Variants in CDH18 observed in about 807,000 individuals in gnomAD.
The protein encoded by CDH18 is cadherin 18.
A neutral mutation model predicts 67.9 loss-of-function variants in CDH18; 31 were observed. That is an observed-to-expected ratio of 0.46 (90% CI 0.34 to 0.62). CDH18 has a LOEUF of 0.62. CDH18 is among the 20% of genes least tolerant of loss of function. CDH18 has a pLI of 0.01. For synonymous variants in CDH18, 362 were observed against 347.2 expected (o/e 1.04, Z -0.48); for missense variants, 890 against 975.5 (o/e 0.91, Z 1.17).
At chr5:20,067,026 T>TA (rs1743037149) in intron 2 of CDH18, among the ~76,000 whole-genome samples, 1 of 151,202 alleles carries the variant, frequency 6.6e-6, no homozygotes, top group Admixed American at 6.6e-5. Context: ...AAAACAACAG[T>TA]AAAAAATAAT....
chr5:19,846,856 A>G (rs2150056849), intron 2 of CDH18, among the ~76,000 whole-genome samples: 1 of 152,192 alleles, frequency 6.6e-6, no homozygotes, highest in East Asian at 1.9e-4. Flanking sequence ...GAAAATCTTC[A>G]TCTCTTTACT....
At chr5:20,570,307 C>A (rs1481869031) in intron 1 of CDH18, among the ~76,000 whole-genome samples, 1 of 151,890 alleles carries the variant, frequency 6.6e-6, no homozygotes, top group Middle Eastern at 3.2e-3. Flanking sequence ...TCTTTTCCAT[C>A]ATTTTTTGTA....
chr5:20,341,107 G>A lies in CDH18; in HGVS notation c.-579-85602C>T, dbSNP rs182802657. Among the ~76,000 whole-genome samples the A allele has an allele frequency of 2.0e-5, 3 of 152,262 alleles. No individual in the cohort carries two copies. The East Asian group carries it at 5.8e-4, about 30-fold the overall frequency. ...GCTCCCACATCCTTCCCTAACCAGAGGCAATATCCCCTTGTGATGGTTAAT... is the reference window on the plus strand; with the variant it reads ...GCTCCCACATCCTTCCCTAACCAGAAGCAATATCCCCTTGTGATGGTTAAT... On this transcript the variant is annotated intron_variant, in intron 1 of 14. Transcript: ENST00000507958.
intron 1 of CDH18, among the ~76,000 whole-genome samples, chr5:20,257,679 C>T (rs1215200953): frequency 1.3e-5 from 2 of 152,100 alleles, no homozygotes; most frequent in African/African-American, 4.8e-5. Context: ...ATTCAATTTC[C>T]TGCATTGTAC....
intron 3 of CDH18, among the ~76,000 whole-genome samples, chr5:19,811,463 G>T (rs1343219537): frequency 6.6e-6 from 1 of 152,046 alleles, no homozygotes; most frequent in Non-Finnish European, 1.5e-5. Context: ...ACCTAGAACA[G>T]ATCTTTCCCT....
At chr5:19,775,301 T>C (rs1222994151) in intron 3 of CDH18, among the ~76,000 whole-genome samples, 1 of 152,164 alleles carries the variant, frequency 6.6e-6, no homozygotes, top group African/African-American at 2.4e-5. Flanking sequence ...CTTAGGCCAT[T>C]CTTGCATTGC....
chr5:20,482,271 G>A (rs182857908), intron 1 of CDH18, among the ~76,000 whole-genome samples: 3 of 151,946 alleles, frequency 2.0e-5, no homozygotes, highest in Admixed American at 6.6e-5. Context: ...CTATTAACAA[G>A]TAATGAGATT....
intron 8 of CDH18, among the ~76,000 whole-genome samples, chr5:19,562,929 G>C (rs1739705847): frequency 6.6e-6 from 1 of 152,016 alleles, no homozygotes; most frequent in South Asian, 2.1e-4. Flanking sequence ...ACTAAATCAA[G>C]TAATGTACAT....
intron 2 of CDH18, among the ~76,000 whole-genome samples, chr5:20,216,411 T>C (rs1220975734): frequency 6.6e-6 from 1 of 151,904 alleles, no homozygotes; most frequent in African/African-American, 2.4e-5. Flanking sequence ...ATTAAAAATA[T>C]TACTGTTGCT....
At chr5:20,301,183 T>TTTTTTTG (rs1735866455) in intron 1 of CDH18, among the ~76,000 whole-genome samples, 3 of 142,760 alleles carry the variant, frequency 2.1e-5, no homozygotes, top group East Asian at 2.4e-4. Context: ...TTTTTTGTTT[T>TTTTTTTG]TTTGTTTGTT....
intron 2 of CDH18, among the ~76,000 whole-genome samples, chr5:20,174,636 T>C (rs10074778): frequency 0.5 from 76,619 of 151,994 alleles, 19,826 homozygotes; most frequent in Middle Eastern, 0.65. Context: ...TACAACTATA[T>C]AGATTGATAT....
intron 2 of CDH18, among the ~76,000 whole-genome samples, chr5:19,968,269 A>T (rs545415521): frequency 3.3e-5 from 5 of 152,172 alleles, no homozygotes; most frequent in African/African-American, 4.8e-5. Context: ...ATACTGCCCA[A>T]GGTAATTTAT....
chr5:20,241,905 T>TATAA (rs55928681), intron 2 of CDH18, among the ~76,000 whole-genome samples: 74,553 of 141,408 alleles, frequency 0.53, 20,016 homozygotes, highest in Middle Eastern at 0.64. Context: ...TATATATATA[T>TATAA]ATATTGCTTA....
chr5:20,220,993 G>A (rs1032704217), intron 2 of CDH18, among the ~76,000 whole-genome samples: 1 of 152,016 alleles, frequency 6.6e-6, no homozygotes, highest in African/African-American at 2.4e-5. Flanking sequence ...AGGATGCAGA[G>A]AAAAGGGACC....
chr5:20,075,121 A>T (rs559558483), intron 2 of CDH18, among the ~76,000 whole-genome samples: 13 of 152,166 alleles, frequency 8.5e-5, no homozygotes, highest in Non-Finnish European at 1.6e-4. Flanking sequence ...CTTCGGATGT[A>T]TGTGGGTCAA....
Position 19,980,199 on chromosome 5 carries a change from T to C in CDH18, c.-257+861A>G, listed in dbSNP as rs562472439. On this transcript the variant is annotated intron_variant, in intron 2 of 12. Coordinates refer to ENST00000382275, the MANE Select transcript of CDH18 (RefSeq NM_004934.5). ...AGAATCAAATCAAGAACTCAACCCCTTTTACAACAGCAAAAAACAAAACAA... is the reference window on the plus strand; with the variant it reads ...AGAATCAAATCAAGAACTCAACCCCCTTTACAACAGCAAAAAACAAAACAA... 4.2e-5 allele frequency among the ~76,000 whole-genome samples: 6 copies of C among 141,182 alleles called. No homozygotes were observed. In the South Asian group the frequency reaches 1.5e-3, roughly 35 times the overall value. 92.6% of individuals were successfully genotyped at this position (141,182 alleles called of 152,430 possible). A position where few individuals can be genotyped will look rare whatever the true frequency, so the allele number is the denominator to read the frequency against.
chr5:20,334,434 G>C (rs557485200), intron 1 of CDH18, among the ~76,000 whole-genome samples: 1 of 152,076 alleles, frequency 6.6e-6, no homozygotes, highest in Admixed American at 6.5e-5. Flanking sequence ...ACCGCGCCCG[G>C]CCTGACTTGA....
intron 4 of CDH18, 150 bp from the exon 5 acceptor site, chr5:19,721,616 T>C: frequency 1.8e-6 from 1 of 555,016 alleles, no homozygotes; most frequent in East Asian, 3.1e-5. Flanking sequence ...TAAAACATAT[T>C]ACTTGCTTTC....
chr5:20,496,388 G>T (rs980403147), intron 1 of CDH18, among the ~76,000 whole-genome samples: 1 of 152,056 alleles, frequency 6.6e-6, no homozygotes, highest in African/African-American at 2.4e-5. Flanking sequence ...AAATATTCAT[G>T]ATTTTTAGGA....
Sources: allele counts gnomAD v4.1 joint callset (sites outside exome capture counted in the v4.1 genomes callset), GRCh38; gene constraint gnomAD v4.1.1; transcripts MANE v1.5; gene names NCBI Gene and HGNC (gene_info 2026-07-23, HGNC 2026-07-21).